The following CDK17 variants were observed in gnomAD, a reference collection of about 807,000 sequenced individuals.
The protein encoded by CDK17 is cyclin dependent kinase 17.
In CDK17, 24 loss-of-function variants were observed where a neutral mutation model predicts 77.6. The observed-to-expected ratio is 0.31, with a 90% CI of 0.22 to 0.44. CDK17 has a LOEUF of 0.44. CDK17 is among the 20% of genes least tolerant of loss of function. The pLI, the probability that CDK17 is intolerant of heterozygous loss-of-function variation, is 1.00. For synonymous variants in CDK17, 203 were observed against 210.4 expected (o/e 0.96, Z 0.30); for missense variants, 429 against 622.5 (o/e 0.69, Z 3.31).
At chr12:96,358,223 T>C (rs1470474738) in intron 1 of CDK17, among the ~76,000 whole-genome samples, 1 of 151,808 alleles carries the variant, frequency 6.6e-6, no homozygotes, top group African/African-American at 2.4e-5. Flanking sequence ...GAAAAGCACA[T>C]AAAAAGTTAA....
chr12:96,340,109 T>A (rs1953102705), intron 1 of CDK17, among the ~76,000 whole-genome samples: 1 of 151,846 alleles, frequency 6.6e-6, no homozygotes, highest in Admixed American at 6.6e-5. Context: ...TAGAGCATTT[T>A]ATATGCTCTA....
At chr12:96,396,520 T>G (rs560587382) in intron 1 of CDK17, among the ~76,000 whole-genome samples, 3 of 152,332 alleles carry the variant, frequency 2.0e-5, no homozygotes, top group Non-Finnish European at 4.4e-5. Context: ...CATAAACCTA[T>G]TGTTTATCTT....
chr12:96,348,543 C>CA (rs1565830761), intron 1 of CDK17, among the ~76,000 whole-genome samples: 4 of 113,348 alleles, frequency 3.5e-5, no homozygotes, highest in South Asian at 3.0e-4. Flanking sequence ...AAAAAAAAAA[C>CA]AAAAAAGAAA....
chr12:96,369,870 G>A (rs1169815301), intron 1 of CDK17, among the ~76,000 whole-genome samples: 4 of 152,164 alleles, frequency 2.6e-5, no homozygotes, highest in Non-Finnish European at 5.9e-5. Flanking sequence ...CACGAGGTCA[G>A]GAGTTCAAGA....
chr12:96,376,338 T>C (rs1953782182), intron 1 of CDK17, among the ~76,000 whole-genome samples: 1 of 152,222 alleles, frequency 6.6e-6, no homozygotes, highest in Non-Finnish European at 1.5e-5. Context: ...ATCATGATCC[T>C]CACCTAATTC....
chr12:96,314,805 G>A (rs1299202207), intron 3 of CDK17, among the ~76,000 whole-genome samples: 1 of 152,090 alleles, frequency 6.6e-6, no homozygotes, highest in African/African-American at 2.4e-5. Context: ...TTTTTTTCTC[G>A]TTTTTAAAAG....
chr12:96,305,992 G>T (rs1048898170), intron 5 of CDK17, among the ~76,000 whole-genome samples: 2 of 152,184 alleles, frequency 1.3e-5, no homozygotes, highest in African/African-American at 4.8e-5. Flanking sequence ...AAAGTGGTGG[G>T]ATTACAGGCA....
At chr12:96,323,892 T>G (rs1340745057) in intron 3 of CDK17, 56 bp downstream of exon 3, 1 of 1,278,126 alleles carries the variant, frequency 7.8e-7, no homozygotes, top group Admixed American at 2.7e-5. Flanking sequence ...AAAACTTAAC[T>G]ATGTGCATGA....
intron 1 of CDK17, among the ~76,000 whole-genome samples, chr12:96,391,202 A>G (rs764427710): frequency 3.6e-4 from 55 of 152,214 alleles, no homozygotes; most frequent in Non-Finnish European, 7.1e-4. Context: ...CACTGCAGTA[A>G]GCGCATTTAA....
chr12:96,384,344 T>C (rs1423926457), intron 1 of CDK17, among the ~76,000 whole-genome samples: 1 of 152,208 alleles, frequency 6.6e-6, no homozygotes, highest in Non-Finnish European at 1.5e-5. Flanking sequence ...TGGAAAGCAG[T>C]TGGAGATTTC....
intron 1 of CDK17, among the ~76,000 whole-genome samples, chr12:96,347,940 TCAAA>T (rs1203512280): frequency 2.6e-5 from 4 of 151,932 alleles, no homozygotes; most frequent in Non-Finnish European, 5.9e-5. Context: ...CAACATATTC[TCAAA>T]CAAGCAACTG....
rs149786956 is a variant in CDK17 at position 96,285,434 on chromosome 12, T to G, written c.1322+609A>C. 9.7e-3 allele frequency among the ~76,000 whole-genome samples: 1,477 copies of G among 152,102 alleles called. 46 individuals carry two copies. The highest frequency in any genetic ancestry group is 0.061 in the Admixed American group (934 of 15,278). On this transcript the variant is annotated intron_variant, in intron 13 of 16. Transcript: ENST00000261211. ...TCCTTATTTGGTATCTTGGTGACTT[T>G]CAAAATTTGGGGGGGTTGGGGGCAG...
intron 1 of CDK17, among the ~76,000 whole-genome samples, chr12:96,380,998 T>C (rs1481245246): frequency 6.6e-6 from 1 of 152,200 alleles, no homozygotes; most frequent in Non-Finnish European, 1.5e-5. Context: ...TAGTGTCAGT[T>C]CATCTGAGAC....
intron 10 of CDK17, among the ~76,000 whole-genome samples, chr12:96,289,758 TTGGTCCATAATCTCATTGAGATTTAC>T (rs1394856558): frequency 2.0e-5 from 3 of 152,238 alleles, no homozygotes; most frequent in African/African-American, 7.2e-5. Context: ...TGTAAAGTTA[TTGGTCCATAATCTCATTGAGATTTAC>T]TGACAAATCG....
intron 5 of CDK17, among the ~76,000 whole-genome samples, chr12:96,305,280 A>T (rs1952563192): frequency 6.6e-6 from 1 of 152,188 alleles, no homozygotes; most frequent in Non-Finnish European, 1.5e-5. Context: ...TCCTGGAGGG[A>T]GTATCGGGAC....
intron 1 of CDK17, chr12:96,399,060 T>C (rs1427355976): frequency 6.6e-6 from 1 of 152,122 alleles, no homozygotes; most frequent in South Asian, 2.1e-4. Context: ...CATTAACAAA[T>C]GTTCCCCAAG....
chr12:96,373,773 A>G (rs1162925221), intron 1 of CDK17, among the ~76,000 whole-genome samples: 1 of 152,008 alleles, frequency 6.6e-6, no homozygotes, highest in African/African-American at 2.4e-5. Context: ...TACAAAAATT[A>G]GCTGGGCGTG....
chr12:96,365,613 C>T (rs1184409091), intron 1 of CDK17, among the ~76,000 whole-genome samples: 2 of 152,194 alleles, frequency 1.3e-5, no homozygotes, highest in Admixed American at 1.3e-4. Flanking sequence ...AAAAACTACA[C>T]CTAAAAGCAA....
intron 1 of CDK17, among the ~76,000 whole-genome samples, chr12:96,380,895 A>AT (rs889883676): frequency 4.6e-5 from 7 of 152,098 alleles, no homozygotes; most frequent in African/African-American, 1.7e-4. Flanking sequence ...AGGAATATAA[A>AT]TTTTTTTCAT....
Sources: allele counts gnomAD v4.1 joint callset (sites outside exome capture counted in the v4.1 genomes callset), GRCh38; gene constraint gnomAD v4.1.1; transcripts MANE v1.5; gene names NCBI Gene and HGNC (gene_info 2026-07-23, HGNC 2026-07-21).